The following CSMD1 variants were observed in gnomAD, a reference collection of about 807,000 sequenced individuals.
CSMD1 encodes the protein CUB and sushi domain-containing protein 1.
Under a neutral mutation model 417.5 loss-of-function variants are expected in CSMD1, and 213 were observed. That is an observed-to-expected ratio of 0.51 (90% confidence interval 0.46 to 0.57). CSMD1 has a LOEUF of 0.57. Ranked by LOEUF, CSMD1 falls within the 20% of genes least tolerant of loss-of-function variation. The probability of loss-of-function intolerance (pLI) is 0.00; values close to 1 mark genes in which losing one functional copy is unlikely to be tolerated. For missense variants in CSMD1, 6,923 were observed against 4,529.7 expected (o/e 1.53, Z -15.17); for synonymous variants, 2,862 against 1,736.8 (o/e 1.65, Z -16.11).
At chr8:3,797,687 T>C (rs1157596116) in intron 5 of CSMD1, among the ~76,000 whole-genome samples, 1 of 151,984 alleles carries the variant, frequency 6.6e-6, no homozygotes, top group African/African-American at 2.4e-5. Context: ...TTTGGATTGT[T>C]TCACCTTTTG....
chr8:4,836,226 GTTAA>G (rs1202348977), intron 1 of CSMD1, among the ~76,000 whole-genome samples: 1 of 152,146 alleles, frequency 6.6e-6, no homozygotes, highest in Non-Finnish European at 1.5e-5. Flanking sequence ...TATTAGATAG[GTTAA>G]TTAACTACCA....
rs765087028 is a variant in CSMD1, at chr8:3,201,732, A to T, written c.4985-7T>A. The T allele has an allele frequency of 3.9e-6, 6 of 1,555,686 alleles. No individual in the cohort carries two copies. Among genetic ancestry groups the T allele is most frequent in the Admixed American group, 1.8e-5 (1 of 55,474 alleles). On this transcript the variant is annotated splice_region_variant and splice_polypyrimidine_tract_variant and intron_variant, in intron 31 of 69. Transcript: ENST00000635120. ...GCAAACTGTCCAAAGACCACTAAAA[A>T]ATAAGAGGTGGGATGTTGGCACAAG...
intron 10 of CSMD1, among the ~76,000 whole-genome samples, chr8:3,563,203 G>A (rs192717891): frequency 6.6e-6 from 1 of 151,868 alleles, no homozygotes; most frequent in East Asian, 1.9e-4. Context: ...TTTTTTGTTT[G>A]TTTTCTAATG....
chr8:4,212,312 C>T (rs1056164772), intron 3 of CSMD1, among the ~76,000 whole-genome samples: 1 of 151,810 alleles, frequency 6.6e-6, no homozygotes, highest in African/African-American at 2.4e-5. Flanking sequence ...TACCTACCAC[C>T]CAAATATGTA....
In CSMD1 at chr8:2,956,448, TTTTA is replaced by T. The variant is rs543727813; in HGVS notation, c.9815-684_9815-681del. ...CAAGTTTACAATTTTATTTATTTAT[TTTTA>T]TTTATTTATTTTTTATTTATTTTTT... On this transcript the variant is annotated intron_variant, in intron 63 of 69. Coordinates refer to ENST00000635120, the MANE Select transcript of CSMD1 (RefSeq NM_033225.6). Among the ~76,000 whole-genome samples the T allele has an allele frequency of 4.7e-3, 709 of 151,838 alleles. 2 individuals carry two copies. The highest frequency in any genetic ancestry group is 7.8e-3 in the Non-Finnish European group (529 of 67,876).
intron 23 of CSMD1, among the ~76,000 whole-genome samples, chr8:3,330,359 C>T (rs549086684): frequency 7.4e-4 from 113 of 152,110 alleles, no homozygotes; most frequent in African/African-American, 2.6e-3. Context: ...TGCCCATCAG[C>T]GAGAGACTGG....
chr8:3,102,051 C>T (rs1353220150), intron 46 of CSMD1, among the ~76,000 whole-genome samples: 1 of 152,070 alleles, frequency 6.6e-6, no homozygotes, highest in African/African-American at 2.4e-5. Context: ...ATCCTCCCAC[C>T]TCGGCCTCCA....
At chr8:4,558,500 T>C (rs1261250271) in intron 2 of CSMD1, among the ~76,000 whole-genome samples, 1 of 152,192 alleles carries the variant, frequency 6.6e-6, no homozygotes, top group African/African-American at 2.4e-5. Flanking sequence ...ATTATTCTCA[T>C]GGGATTCCAC....
chr8:3,866,948 C>A (rs1196888890), intron 5 of CSMD1, among the ~76,000 whole-genome samples: 1 of 152,136 alleles, frequency 6.6e-6, no homozygotes, highest in African/African-American at 2.4e-5. Context: ...TTTGTAAGTA[C>A]CACCATTTTC....
At chr8:3,611,033 G>C (rs532756240) in intron 8 of CSMD1, among the ~76,000 whole-genome samples, 12 of 137,804 alleles carry the variant, frequency 8.7e-5, no homozygotes, top group African/African-American at 3.0e-4. Context: ...ACTGAACAAT[G>C]AGAACACATG....
intron 1 of CSMD1, among the ~76,000 whole-genome samples, chr8:4,682,207 T>C (rs1305337014): frequency 2.0e-5 from 3 of 152,090 alleles, no homozygotes; most frequent in African/African-American, 7.2e-5. Context: ...TTTGAATTGT[T>C]TTTGTAGAGA....
intron 26 of CSMD1, among the ~76,000 whole-genome samples, chr8:3,262,185 ATAT>A (rs1233173845): frequency 0.017 from 793 of 46,264 alleles, 19 homozygotes; most frequent in South Asian, 0.02. Context: ...GCTCATATGA[ATAT>A]ATATATATAT....
intron 1 of CSMD1, among the ~76,000 whole-genome samples, chr8:4,652,638 G>C (rs904671107): frequency 6.6e-6 from 1 of 151,770 alleles, no homozygotes; most frequent in Non-Finnish European, 1.5e-5. Context: ...GAGACAGAGA[G>C]AGACTCTGTC....
intron 1 of CSMD1, among the ~76,000 whole-genome samples, chr8:4,799,166 T>C (rs930161713): frequency 6.6e-6 from 1 of 152,036 alleles, no homozygotes; most frequent in Non-Finnish European, 1.5e-5. Context: ...TTACATAAAG[T>C]CACTACATGA....
At chr8:3,117,821 A>G (rs1222173533) in intron 42 of CSMD1, among the ~76,000 whole-genome samples, 4 of 151,786 alleles carry the variant, frequency 2.6e-5, no homozygotes, top group African/African-American at 9.7e-5. Context: ...CCACTCTACT[A>G]TTTTCTCCTA....
intron 5 of CSMD1, among the ~76,000 whole-genome samples, chr8:3,972,940 A>C (rs1813186052): frequency 6.6e-6 from 1 of 152,246 alleles, no homozygotes; most frequent in Non-Finnish European, 1.5e-5. Context: ...AATGAAGGAA[A>C]TAAAATGAAA....
chr8:4,325,280 C>A (rs897711293), intron 3 of CSMD1, among the ~76,000 whole-genome samples: 1 of 152,150 alleles, frequency 6.6e-6, no homozygotes, highest in African/African-American at 2.4e-5. Context: ...CCCCACTAAC[C>A]AAGTATTCCA....
rs138531420 is a variant in CSMD1 at position 3,933,968 on chromosome 8, C to T, written c.818+63935G>A. On this transcript the variant is annotated intron_variant, in intron 5 of 69. Coordinates refer to ENST00000635120, the MANE Select transcript of CSMD1 (RefSeq NM_033225.6). ...GGGACCTAGGCAGGGACCACACAGT[C>T]GGGCTAGTGAAGTGGCAAACCCATG... 3.2e-3 allele frequency among the ~76,000 whole-genome samples: 490 copies of T among 152,192 alleles called. 4 individuals are homozygous for T. The highest frequency in any genetic ancestry group is 0.011 in the African/African-American group (441 of 41,520).
At chr8:4,074,905 T>C (rs545564127) in intron 3 of CSMD1, among the ~76,000 whole-genome samples, 1 of 152,234 alleles carries the variant, frequency 6.6e-6, no homozygotes, top group South Asian at 2.1e-4. Context: ...GCAGAAGTAG[T>C]TTCTCTGGAT....
Sources: gnomAD v4.1 joint callset for allele counts (sites outside exome capture counted in the v4.1 genomes callset) on GRCh38, gnomAD v4.1.1 for gene constraint, MANE v1.5 for transcripts, NCBI Gene and HGNC (gene_info 2026-07-23, HGNC 2026-07-21) for gene names.